The following UNC45B variants were observed in gnomAD, a reference collection of about 807,000 sequenced individuals.
UNC45B encodes the protein protein unc-45 homolog B.
In UNC45B, 78 loss-of-function variants were observed where a neutral mutation model predicts 98.7. That is an observed-to-expected ratio of 0.79 (90% CI 0.66 to 0.95). The LOEUF is 0.95. Ranked by LOEUF, UNC45B falls within the 40% of genes least tolerant of loss-of-function variation. UNC45B has a pLI of 0.00. For missense variants in UNC45B, 1,225 were observed against 1,184.9 expected, an observed-to-expected ratio of 1.03 and a Z score of -0.50; for synonymous variants, 462 against 480.4, an observed-to-expected ratio of 0.96 and a Z score of 0.50.
intron 7 of UNC45B, among the ~76,000 whole-genome samples, chr17:35,158,291 C>T (rs1597911064): frequency 6.6e-6 from 1 of 152,198 alleles, no homozygotes; most frequent in Admixed American, 6.5e-5. Context: ...GTGTGGCTGG[C>T]AGTCAACTGG....
rs2092040450 is a variant in UNC45B at position 35,154,030 on chromosome 17, G to T, written c.472-544G>T. Among the ~76,000 whole-genome samples the T allele has an allele frequency of 1.3e-5, 2 of 152,096 alleles. 1 individual carries two copies. The highest frequency in any genetic ancestry group is 4.1e-4 in the South Asian group (2 of 4,832). ...AGTCTGGGGTCCAGAGAAGTGCCGT[G>T]ACTCACCCAAGCTCATACAGCTAGC... On this transcript the variant is annotated intron_variant, in intron 5 of 19. Transcript: ENST00000394570.
At chr17:35,175,051 GA>G (rs2092219338) in intron 14 of UNC45B, among the ~76,000 whole-genome samples, 1 of 131,218 alleles carries the variant, frequency 7.6e-6, no homozygotes, top group African/African-American at 2.8e-5. Context: ...AGGAAAGAAA[GA>G]AAGGAAAGAA....
rs912195782 is a variant in UNC45B, at chr17:35,177,367, T to C, written c.2140-128T>C. The C allele has an allele frequency of 1.4e-5, 10 of 736,386 alleles. No homozygotes were observed. The South Asian group carries it at 1.5e-4, about 11-fold the overall frequency. The allele number at this position is 736,386 out of a possible 1,614,324, so 45.6% of individuals were successfully genotyped here. A position where few individuals can be genotyped will look rare whatever the true frequency, so the allele number is the denominator to read the frequency against. On this transcript the variant is annotated intron_variant, in intron 16 of 19. Coordinates refer to ENST00000394570, the MANE Select transcript of UNC45B (RefSeq NM_001267052.2). ...AAAATAATCCTGCCTGTCAGGATCA[T>C]TGTGAGGATGAAATCAGACAATGTA...
chr17:35,175,332 C>T (rs1330853171), intron 14 of UNC45B, among the ~76,000 whole-genome samples: 3 of 152,062 alleles, frequency 2.0e-5, no homozygotes, highest in African/African-American at 7.2e-5. Flanking sequence ...AGCTACAGTC[C>T]GATGCAATGG....
intron 19 of UNC45B, among the ~76,000 whole-genome samples, chr17:35,186,072 G>A (rs918340048): frequency 8.5e-5 from 13 of 152,270 alleles, no homozygotes; most frequent in African/African-American, 1.7e-4. Context: ...AATTGGGGCC[G>A]TGAGTGGCTC....
intron 15 of UNC45B, 75 bp from the exon 16 acceptor site, chr17:35,176,942 G>A (rs530274724): frequency 3.4e-5 from 40 of 1,168,992 alleles, no homozygotes; most frequent in Middle Eastern, 4.0e-4. Flanking sequence ...CAGACAGACA[G>A]CACCTGGAGC....
chr17:35,183,637 A>G lies in UNC45B; in HGVS notation c.2529+55A>G, dbSNP rs8074705. The G allele has an allele frequency of 0.29, 418,868 of 1,428,934 alleles. 62,442 individuals are homozygous for G. The highest frequency in any genetic ancestry group is 0.4 in the Middle Eastern group (1,630 of 4,120). The allele number at this position is 1,428,934 out of a possible 1,614,324, so 88.5% of individuals were successfully genotyped here. On this transcript the variant is annotated intron_variant, in intron 19 of 19. Transcript: ENST00000394570. ...CTGGGTGGCTCCAGGGAATCTCCCC[A>G]CCCACAGACCACACTGGATGATCCT...
intron 13 of UNC45B, among the ~76,000 whole-genome samples, chr17:35,171,864 G>A (rs569318639): frequency 5.9e-5 from 9 of 152,190 alleles, no homozygotes; most frequent in East Asian, 1.9e-4. Context: ...GGCATGGTCA[G>A]CATTAGCCCA....
intron 9 of UNC45B, among the ~76,000 whole-genome samples, chr17:35,165,865 G>A (rs2092135200): frequency 6.6e-6 from 1 of 151,948 alleles, no homozygotes; most frequent in Admixed American, 6.6e-5. Flanking sequence ...CTTGAACCCA[G>A]GAGGTAGAGG....
chr17:35,170,413 G>A (rs1409709889), intron 12 of UNC45B, 158 bp downstream of exon 12: 41 of 946,202 alleles, frequency 4.3e-5, no homozygotes, highest in Non-Finnish European at 5.5e-5. Flanking sequence ...CATTTTACCT[G>A]ATTGTAAAAT....
chr17:35,183,318 G>A, intron 18 of UNC45B, 109 bp from the exon 19 acceptor site: 6 of 1,262,744 alleles, frequency 4.8e-6, no homozygotes, highest in Non-Finnish European at 6.1e-6. Context: ...CCTGCTCAAA[G>A]GGAAACTCTA....
In UNC45B at chr17:35,164,059, T is replaced by C. The variant is rs894425072; in HGVS notation, c.1044T>C (p.Thr348=). The C allele has an allele frequency of 3.7e-6, 6 of 1,614,092 alleles. No homozygotes were observed. In the Admixed American group the frequency reaches 6.7e-5, roughly 18 times the overall value. ...VPDLPSCLPL[T]DNTRMLASIL... ...ATCTGCCATCCTGCCTGCCCCTGAC[T>C]GACAACACCCGCATGCTGGCCTCTA... The change falls in exon 9 of 20, where the codon ACT becomes ACC. Residue 348 remains threonine (T), a synonymous_variant. Coordinates refer to ENST00000394570, the MANE Select transcript of UNC45B (RefSeq NM_001267052.2).
At chr17:35,155,162 A>T in intron 6 of UNC45B, 134 bp from the exon 7 acceptor site, 1 of 1,071,672 alleles carries the variant, frequency 9.3e-7, no homozygotes, top group Non-Finnish European at 1.3e-6. Context: ...GGGGCCCATG[A>T]GGCAATGGCT....
intron 17 of UNC45B, among the ~76,000 whole-genome samples, chr17:35,178,086 G>C (rs2092248691): frequency 6.6e-6 from 1 of 152,070 alleles, no homozygotes; most frequent in Non-Finnish European, 1.5e-5. Context: ...TTTTAGTAGA[G>C]ACAGGGTTTC....
Position 35,166,086 on chromosome 17 carries a change from T to TAAAAAAAAAAAAAAAAAAAAA in UNC45B, c.1151+1925_1151+1945dup, listed in dbSNP as rs55844448. On this transcript the variant is annotated intron_variant, in intron 9 of 19. Transcript: ENST00000394570. ...GGCAATGTAGAGAGACCCTCATCTC[T>TAAAAAAAAAAAAAAAAAAAAA]AAAAAAAAAAAAAAAAAAAAAAAAA... Among the ~76,000 whole-genome samples the TAAAAAAAAAAAAAAAAAAAAA allele has an allele frequency of 1.4e-3, 83 of 58,100 alleles. 3 individuals are homozygous for TAAAAAAAAAAAAAAAAAAAAA. Among genetic ancestry groups the TAAAAAAAAAAAAAAAAAAAAA allele is most frequent in the African/African-American group, 5.5e-3 (77 of 14,108 alleles). 38.1% of individuals were successfully genotyped at this position (58,100 alleles called of 152,430 possible). A position where few individuals can be genotyped will look rare whatever the true frequency, so the allele number is the denominator to read the frequency against.
chr17:35,155,374 G>A lies in UNC45B; in HGVS notation c.718G>A (p.Ala240Thr), dbSNP rs200635976. ...CGTGGAGAATGAGGAGATGTCTCTG[G>A]CTGTCTGCAACCTGCTCCAAGCCAT... ...MAVENEEMSL[A>T]VCNLLQAIID... Residue 240 changes from alanine (A) to threonine (T), a missense_variant, in exon 7 of 20, where the codon GCT (alanine) becomes ACT (threonine). By Grantham distance (58) the Ala-to-Thr change is moderately conservative. Transcript: ENST00000394570. 5 of 1,614,214 alleles carry A rather than the reference G, an allele frequency of 3.1e-6. No homozygotes were observed. The highest frequency in any genetic ancestry group is 1.1e-5 in the South Asian group (1 of 91,086).
chr17:35,183,460 C>A lies in UNC45B; in HGVS notation c.2407C>A (p.Arg803=). ...QERFLADGND[R]LKLVVLLCGE... ...AAGGTTCTTGGCTGACGGGAATGACCGGCTGAAGCTGGTGGTGCTGCTCTG... is the reference window on the plus strand; with the variant it reads ...AAGGTTCTTGGCTGACGGGAATGACAGGCTGAAGCTGGTGGTGCTGCTCTG... Residue 803 remains arginine, a synonymous_variant, in exon 19 of 20, where the codon CGG becomes AGG. Transcript: ENST00000394570. The A allele has an allele frequency of 6.3e-7, 1 of 1,598,628 alleles. No individual in the cohort carries two copies. The highest frequency in any genetic ancestry group is 8.5e-7 in the Non-Finnish European group (1 of 1,172,094).
chr17:35,162,857 C>G (rs911406784), intron 8 of UNC45B, among the ~76,000 whole-genome samples: 1 of 152,136 alleles, frequency 6.6e-6, no homozygotes, highest in African/African-American at 2.4e-5. Flanking sequence ...CAGCTTTTAC[C>G]TGGAATGTTC....
At chr17:35,148,525 T>A in intron 2 of UNC45B, 94 bp downstream of exon 2, 1 of 1,424,670 alleles carries the variant, frequency 7.0e-7, no homozygotes. Flanking sequence ...TTGCCCTTCA[T>A]CCCAGCCGAC....
Sources: allele counts gnomAD v4.1 joint callset (sites outside exome capture counted in the v4.1 genomes callset), GRCh38; gene constraint gnomAD v4.1.1; transcripts MANE v1.5; gene names NCBI Gene and HGNC (gene_info 2026-07-23, HGNC 2026-07-21).